Variants in ALMS1 observed in about 807,000 individuals in gnomAD.
The protein encoded by ALMS1 is ALMS1 centrosome and basal body associated protein.
ALMS1 carries 271 observed loss-of-function variants against 352.2 expected under a neutral mutation model. The ratio of observed to expected loss-of-function variants is 0.77; its 90% CI spans 0.70 to 0.85. ALMS1 has a LOEUF of 0.85. Ranked by LOEUF, ALMS1 falls within the 40% of genes least tolerant of loss-of-function variation. The pLI is 0.00. For missense variants in ALMS1, 5,445 were observed against 4,870.7 expected (o/e 1.12, Z -3.51); for synonymous variants, 1,865 against 1,761.2 (o/e 1.06, Z -1.48).
intron 9 of ALMS1, among the ~76,000 whole-genome samples, chr2:73,483,758 T>C (rs1306892118): frequency 6.7e-6 from 1 of 148,620 alleles, no homozygotes; most frequent in African/African-American, 2.5e-5. Flanking sequence ...TGGGTGCTCC[T>C]GTATTGGGTG....
intron 9 of ALMS1, among the ~76,000 whole-genome samples, chr2:73,480,894 A>G (rs1357157234): frequency 6.7e-6 from 1 of 149,300 alleles, no homozygotes; most frequent in Non-Finnish European, 1.5e-5. Context: ...GTGTCTGTTC[A>G]TGTCCTTCGC....
chr2:73,521,511 C>T (rs1238400763), intron 11 of ALMS1, among the ~76,000 whole-genome samples: 2 of 146,322 alleles, frequency 1.4e-5, no homozygotes, highest in African/African-American at 2.5e-5. Context: ...CCAAGGTGGG[C>T]AGATCACGAG....
chr2:73,423,152 G>T (rs1360405314), intron 4 of ALMS1, among the ~76,000 whole-genome samples, 178 bp downstream of exon 4: 1 of 152,154 alleles, frequency 6.6e-6, no homozygotes, highest in South Asian at 2.1e-4. Flanking sequence ...GCAGAGTAAC[G>T]TATGTGTAGA....
At chr2:73,588,234 T>C (rs1200469892) in intron 16 of ALMS1, among the ~76,000 whole-genome samples, 2 of 152,284 alleles carry the variant, frequency 1.3e-5, no homozygotes, top group East Asian at 1.9e-4. Flanking sequence ...ACTCGCTCTT[T>C]CTGTGTTTCT....
At chr2:73,461,831 G>C (rs569895955) in intron 9 of ALMS1, among the ~76,000 whole-genome samples, 5 of 152,116 alleles carry the variant, frequency 3.3e-5, no homozygotes, top group South Asian at 4.1e-4. Context: ...GAGCTGATGC[G>C]ATCAACTGGA....
At chr2:73,501,090 A>C (rs779054495) in intron 10 of ALMS1, among the ~76,000 whole-genome samples, 1 of 152,176 alleles carries the variant, frequency 6.6e-6, no homozygotes, top group Non-Finnish European at 1.5e-5. Context: ...CATGATGACT[A>C]ATGATGCTGA....
chr2:73,500,210 T>C (rs2103917590), intron 10 of ALMS1, among the ~76,000 whole-genome samples: 1 of 152,340 alleles, frequency 6.6e-6, no homozygotes. Flanking sequence ...GTTTTTGTTT[T>C]AGCAGACAAT....
In ALMS1 at chr2:73,451,222, C is replaced by G. The variant is rs2103783674; in HGVS notation, c.4695C>G (p.Thr1565=). ...CTGACCAGACAACTGGCATACCAAC[C>G]ATAACCTCTACTTCCTACTCATTTG... ...GPADQTTGIP[T]ITSTSYSFGE... The change falls in exon 8 of 23, where the codon ACC becomes ACG. Residue 1565 remains threonine, a synonymous_variant. Coordinates refer to ENST00000613296, the MANE Select transcript of ALMS1 (RefSeq NM_001378454.1). 1.2e-6 allele frequency: 2 copies of G among 1,610,880 alleles called. No homozygotes were observed. The highest frequency in any genetic ancestry group is 2.2e-5 in the South Asian group (2 of 90,928).
Position 73,538,900 on chromosome 2 carries a change from G to C in ALMS1, c.9907+3951G>C, listed in dbSNP as rs185136230. On this transcript the variant is annotated intron_variant, in intron 12 of 22. Coordinates refer to ENST00000613296, the MANE Select transcript of ALMS1 (RefSeq NM_001378454.1). ...AAAGCGGCCGGGAAGCTCGAACTGG[G>C]TGGAGCCCACCATACCTCAAGGATG... Among the ~76,000 whole-genome samples, 1,500 of 152,290 alleles carry C rather than the reference G, an allele frequency of 9.8e-3. 28 individuals are homozygous for C. Among genetic ancestry groups the C allele is most frequent in the African/African-American group, 0.034 (1,409 of 41,568 alleles).
Position 73,453,297 on chromosome 2 carries a change from A to G in ALMS1, c.6770A>G (p.Lys2257Arg). 1 of 1,613,992 alleles carries G rather than the reference A, an allele frequency of 6.2e-7. No homozygotes were observed. Among genetic ancestry groups the G allele is most frequent in the Admixed American group, 1.7e-5 (1 of 59,990 alleles). Reference sequence around the variant, plus strand: ...ATCCAGGATGCAGAAAATAGTGCTAAAACTCTTAAGGAAATTCGGACACTT... The same window carrying G: ...ATCCAGGATGCAGAAAATAGTGCTAGAACTCTTAAGGAAATTCGGACACTT... The part of the protein sequence containing the change: ...EEIQDAENSA[K>R]TLKEIRTLLM... The change falls in exon 8 of 23, where the codon AAA (lysine) becomes AGA (arginine). Residue 2257 changes from lysine (K) to arginine (R), a missense_variant. Physicochemically the swap from Lys to Arg is conservative, Grantham distance 26 (BLOSUM62 2). Transcript: ENST00000613296.
intron 15 of ALMS1, among the ~76,000 whole-genome samples, chr2:73,563,158 A>G (rs1285582194): frequency 6.6e-6 from 1 of 152,002 alleles, no homozygotes; most frequent in African/African-American, 2.4e-5. Context: ...CTATATAACA[A>G]ACATATCAAA....
intron 7 of ALMS1, among the ~76,000 whole-genome samples, chr2:73,435,046 G>A (rs754448573): frequency 4.1e-4 from 63 of 152,100 alleles, no homozygotes; most frequent in South Asian, 2.1e-3. Flanking sequence ...TTTGTCTTAG[G>A]TTAGAATAGA....
chr2:73,427,678 C>T (rs1262294894), intron 6 of ALMS1, among the ~76,000 whole-genome samples: 2 of 152,052 alleles, frequency 1.3e-5, no homozygotes, highest in Non-Finnish European at 2.9e-5. Flanking sequence ...TGATGTTCCC[C>T]TCCCTGTGTC....
At chr2:73,522,781 T>A (rs1049504392) in intron 11 of ALMS1, among the ~76,000 whole-genome samples, 1 of 152,194 alleles carries the variant, frequency 6.6e-6, no homozygotes, top group Non-Finnish European at 1.5e-5. Context: ...TCATTTTTTA[T>A]TAATTTCTTG....
Position 73,600,853 on chromosome 2 carries a change from A to G in ALMS1, c.11844A>G (p.Leu3948=), listed in dbSNP as rs757954271. The G allele has an allele frequency of 1.9e-6, 3 of 1,614,082 alleles. No individual in the cohort carries two copies. Among genetic ancestry groups the G allele is most frequent in the Non-Finnish European group, 2.5e-6 (3 of 1,179,964 alleles). The part of the protein sequence containing the change: ...LFTGYPEDRK[L]KKNKKNSHEG... ...CCGGTTATCCTGAGGACAGAAAGTT[A>G]AAAAAGAACAAGAAGAATTCCCATG... The change falls in exon 18 of 23, where the codon TTA becomes TTG. Residue 3948 remains leucine, a synonymous_variant. Coordinates refer to ENST00000613296, the MANE Select transcript of ALMS1 (RefSeq NM_001378454.1).
At chr2:73,411,373 T>G (rs1383038391) in intron 2 of ALMS1, among the ~76,000 whole-genome samples, 1 of 152,162 alleles carries the variant, frequency 6.6e-6, no homozygotes, top group Non-Finnish European at 1.5e-5. Flanking sequence ...TTCAGACTTC[T>G]GGCCTCCAGA....
chr2:73,591,370 T>TG (rs1327915857), intron 16 of ALMS1, among the ~76,000 whole-genome samples: 2 of 152,200 alleles, frequency 1.3e-5, no homozygotes, highest in African/African-American at 4.8e-5. Context: ...GGTAGCTAGT[T>TG]GCCAATAAAG....
chr2:73,392,130 T>G (rs927790896), intron 1 of ALMS1, among the ~76,000 whole-genome samples: 6 of 152,182 alleles, frequency 3.9e-5, no homozygotes, highest in Non-Finnish European at 8.8e-5. Flanking sequence ...TTTATTTAAT[T>G]TATTTTTCAT....
intron 16 of ALMS1, among the ~76,000 whole-genome samples, chr2:73,581,777 C>T (rs1230356302): frequency 6.7e-6 from 1 of 149,034 alleles, no homozygotes; most frequent in Non-Finnish European, 1.5e-5. Flanking sequence ...GAGACGTAGT[C>T]TCTATTGCCC....
Sources: gnomAD v4.1 joint callset for allele counts (sites outside exome capture counted in the v4.1 genomes callset) on GRCh38, gnomAD v4.1.1 for gene constraint, MANE v1.5 for transcripts, NCBI Gene and HGNC (gene_info 2026-07-23, HGNC 2026-07-21) for gene names.